Variants in CWH43 observed in about 807,000 individuals in gnomAD.
The protein encoded by CWH43 is cell wall biogenesis 43 C-terminal homolog, also known as PGAP2-interacting protein.
In CWH43, 91 loss-of-function variants were observed where a neutral mutation model predicts 85.7. The observed-to-expected ratio is 1.06, with a 90% CI of 0.90 to 1.26. The LOEUF is 1.26. Among genes scored for constraint, CWH43 ranks in the 50% most tolerant of loss-of-function variants. The pLI is 0.00. For missense variants in CWH43, 869 were observed against 839.2 expected, an observed-to-expected ratio of 1.04 and a Z score of -0.44; for synonymous variants, 323 against 293.6, an observed-to-expected ratio of 1.10 and a Z score of -1.02.
At chr4:49,020,393 A>T (rs147213257) in intron 9 of CWH43, among the ~76,000 whole-genome samples, 1 of 87,776 alleles carries the variant, frequency 1.1e-5, no homozygotes, top group East Asian at 2.3e-4. Flanking sequence ...TTACACACAC[A>T]CACACACACA....
In CWH43 at chr4:48,996,298, T is replaced by TACACAC. The variant is rs36210509; in HGVS notation, c.713+1506_713+1511dup. Among the ~76,000 whole-genome samples, 706 of 149,994 alleles carry TACACAC rather than the reference T, an allele frequency of 4.7e-3. 3 individuals carry two copies. The highest frequency in any genetic ancestry group is 0.016 in the African/African-American group (657 of 40,514). On this transcript the variant is annotated intron_variant, in intron 5 of 15. Transcript: ENST00000226432. ...TTTTTATATATGTGTTATATATGTG[T>TACACAC]ACACACACACACACACACACACACA...
chr4:49,037,791 T>C lies in CWH43; in HGVS notation c.1659-245T>C, dbSNP rs78173063. Among the ~76,000 whole-genome samples, 51 of 152,292 alleles carry C rather than the reference T, an allele frequency of 3.3e-4. No individual in the cohort carries two copies. The East Asian group carries it at 9.4e-3, about 28-fold the overall frequency. ...GCTGTATTTAGAGTAGATCTTTAAA[T>C]TGACTTGACTCCAAATGACTTGTGA... On this transcript the variant is annotated intron_variant, in intron 12 of 15. Coordinates refer to ENST00000226432, the MANE Select transcript of CWH43 (RefSeq NM_025087.3).
At chr4:48,990,006 G>A (rs993736047) in intron 2 of CWH43, among the ~76,000 whole-genome samples, 8 of 152,128 alleles carry the variant, frequency 5.3e-5, no homozygotes, top group African/African-American at 1.4e-4. Flanking sequence ...GATTTTATGG[G>A]AGTGATCTCA....
chr4:48,991,425 A>G (rs1166367459), intron 2 of CWH43, 29 bp from the exon 3 acceptor site: 1 of 1,612,720 alleles, frequency 6.2e-7, no homozygotes, highest in East Asian at 2.2e-5. Flanking sequence ...CTTGCCAGAA[A>G]TGCTTAGCTC....
At chr4:49,060,649 CCTT>C (rs1785125035) in intron 15 of CWH43, among the ~76,000 whole-genome samples, 1 of 152,122 alleles carries the variant, frequency 6.6e-6, no homozygotes, top group Non-Finnish European at 1.5e-5. Flanking sequence ...GTGAAGTTGT[CCTT>C]CTTACCCTTC....
chr4:49,037,968 A>T (rs779262315), intron 12 of CWH43, 68 bp from the exon 13 acceptor site: 31 of 1,414,272 alleles, frequency 2.2e-5, no homozygotes, highest in Non-Finnish European at 3.0e-5. Flanking sequence ...TTGGCAACTT[A>T]GGTACCTAAG....
At position 49,028,610 on chromosome 4, in the gene CWH43, C is replaced by T. The variant is rs752590568; in HGVS notation, c.1267-19C>T. 2 of 1,582,292 alleles carry T rather than the reference C, an allele frequency of 1.3e-6. No individual in the cohort carries two copies. Among genetic ancestry groups the T allele is most frequent in the Non-Finnish European group, 1.7e-6 (2 of 1,153,760 alleles). On this transcript the variant is annotated intron_variant, in intron 9 of 15. Transcript: ENST00000226432. ...ATTGTTCACAGTCATCCTAAACTAC[C>T]ATTAAAACAATTCCTCAGGCACCAA...
Position 49,030,958 on chromosome 4 carries a change from G to C in CWH43, c.1506G>C (p.Trp502Cys), listed in dbSNP as rs367624415. Residue 502 changes from tryptophan (W) to cysteine (C), a missense_variant and splice_region_variant, in exon 11 of 16, where the codon TGG becomes TGC. Trp to Cys is a radical substitution (Grantham distance 215). This residue lies in a region of CWH43 where 577 missense variants were observed against 513.1 expected (regional missense o/e 1.12). Transcript: ENST00000226432. ...GTCCAAGCACAAGGTATCACACTTG[G>C]GGGTGAGTATACCTTGGGAGTTAAT... is the stretch of plus-strand genomic sequence containing the variant. ...DFGPSTRYHTWGIMALSRYPI... is the reference protein window; with the variant it reads ...DFGPSTRYHTCGIMALSRYPI... 3.8e-6 allele frequency: 6 copies of C among 1,587,040 alleles called. No homozygotes were observed. The highest frequency in any genetic ancestry group is 1.4e-5 in the African/African-American group (1 of 73,212).
chr4:49,016,678 G>A, intron 8 of CWH43: 1 of 764,190 alleles, frequency 1.3e-6, no homozygotes, highest in East Asian at 2.5e-5. Context: ...TGGGCTTCTG[G>A]GCTGCTTAGT....
At position 49,038,146 on chromosome 4, in the gene CWH43, A is replaced by G; in HGVS notation, c.1769A>G (p.Asp590Gly). The G allele has an allele frequency of 6.2e-7, 1 of 1,610,476 alleles. No homozygotes were observed. The highest frequency in any genetic ancestry group is 8.5e-7 in the Non-Finnish European group (1 of 1,178,224). The part of the protein sequence containing the change: ...GYITSAPGSR[D>G]YLQLTEHGNV... ...ATCACTTCAGCACCTGGCTCCAGAG[A>G]TTATCTACAGCTCACTGAACATGGC... Residue 590 changes from aspartate to glycine, a missense_variant, in exon 13 of 16, where the codon GAT (aspartate) becomes GGT (glycine). By Grantham distance (94) the Asp-to-Gly change is moderately conservative (BLOSUM62 -1). Around this residue, in one of 3 missense-constraint regions of CWH43, gnomAD observed 577 missense variants for 513.1 expected, o/e 1.12. Coordinates refer to ENST00000226432, the MANE Select transcript of CWH43 (RefSeq NM_025087.3).
Position 48,994,733 on chromosome 4 carries a change from C to A in CWH43, c.626C>A (p.Thr209Asn), listed in dbSNP as rs763498154. ...GAAFGSLVFLTHWVFGEVSLV... is the reference protein window; with the variant it reads ...GAAFGSLVFLNHWVFGEVSLV... The stretch of plus-strand genomic sequence containing the variant: ...GCTTTTGGTAGCCTTGTGTTCCTCA[C>A]CCACTGGGTTTTTGGAGAAGTCTCT... Residue 209 changes from threonine (T) to asparagine (N), a missense_variant, in exon 5 of 16, where the codon ACC becomes AAC. Thr to Asn is a moderately conservative substitution (Grantham distance 65, BLOSUM62 0). Around this residue, in one of 3 missense-constraint regions of CWH43, gnomAD observed 152 missense variants for 203.6 expected, o/e 0.75. Coordinates refer to ENST00000226432, the MANE Select transcript of CWH43 (RefSeq NM_025087.3). The A allele has an allele frequency of 1.9e-6, 3 of 1,614,072 alleles. No homozygotes were observed. The East Asian group carries it at 6.7e-5, about 36-fold the overall frequency.
chr4:48,988,331 G>GCA, intron 1 of CWH43, 146 bp from the exon 2 acceptor site: 1 of 459,474 alleles, frequency 2.2e-6, no homozygotes, highest in South Asian at 5.9e-5. Flanking sequence ...TTTGTTCCAT[G>GCA]TCAGTGGAGA....
In CWH43 at chr4:48,992,521, G is replaced by GT. The variant is rs200694680; in HGVS notation, c.511+439dup. On this transcript the variant is annotated intron_variant, in intron 4 of 15. Coordinates refer to ENST00000226432, the MANE Select transcript of CWH43 (RefSeq NM_025087.3). The surrounding 1 kb of genome is among the most constrained non-coding windows in gnomAD (Gnocchi z 4.3). ...TATGGCTGTCACTGGAACTCCCTGGGTTTTTTTTCCCAGAGGTCTGAAGCT... is the reference window on the plus strand; with the variant it reads ...TATGGCTGTCACTGGAACTCCCTGGGTTTTTTTTTCCCAGAGGTCTGAAGCT... Among the ~76,000 whole-genome samples the GT allele has an allele frequency of 1.3e-5, 2 of 151,912 alleles. No homozygotes were observed. The highest frequency in any genetic ancestry group is 2.9e-5 in the Non-Finnish European group (2 of 67,966).
At chr4:49,055,455 G>A (rs529232237) in intron 15 of CWH43, among the ~76,000 whole-genome samples, 43 of 152,048 alleles carry the variant, frequency 2.8e-4, no homozygotes, top group Non-Finnish European at 5.4e-4. Flanking sequence ...AGGGATATTG[G>A]CTTATCATTT....
At chr4:49,052,061 A>T (rs764654369) in intron 15 of CWH43, among the ~76,000 whole-genome samples, 2 of 152,086 alleles carry the variant, frequency 1.3e-5, no homozygotes, top group Admixed American at 1.3e-4. Context: ...AACATTTCTC[A>T]TTTTTTTGGG....
At chr4:48,991,338 T>A (rs1375388089) in intron 2 of CWH43, 116 bp from the exon 3 acceptor site, 1 of 1,030,580 alleles carries the variant, frequency 9.7e-7, no homozygotes, top group Non-Finnish European at 1.4e-6. Context: ...AAATTATACA[T>A]CAACTCTGTC....
At chr4:49,038,662 A>C (rs1267152523) in intron 13 of CWH43, among the ~76,000 whole-genome samples, 4 of 152,164 alleles carry the variant, frequency 2.6e-5, no homozygotes, top group Non-Finnish European at 5.9e-5. Flanking sequence ...ATCACATTAA[A>C]TTCTTGATGG....
At chr4:49,042,023 T>A (rs1323164360) in intron 13 of CWH43, among the ~76,000 whole-genome samples, 1 of 152,226 alleles carries the variant, frequency 6.6e-6, no homozygotes, top group Non-Finnish European at 1.5e-5. Flanking sequence ...TGAGTTAGTC[T>A]CTGCATTTTT....
chr4:48,986,597 G>A lies in CWH43; in HGVS notation c.43+125G>A. The A allele has an allele frequency of 6.0e-6, 9 of 1,498,550 alleles. No homozygotes were observed. In the South Asian group the frequency reaches 1.2e-4, roughly 19 times the overall value. 92.8% of individuals were successfully genotyped at this position (1,498,550 alleles called of 1,614,324 possible). ...GAAAAGGGCGCTCCGTGCCCAGAGT[G>A]GAGATGCTTATCGTCCCCTGGGAAC... On this transcript the variant is annotated intron_variant, in intron 1 of 15. Transcript: ENST00000226432.
Sources: gnomAD v4.1 joint callset for allele counts (sites outside exome capture counted in the v4.1 genomes callset) on GRCh38, gnomAD v4.1.1 for gene constraint, gnomAD v4.1.1 regional missense constraint, Gnocchi (gnomAD v3.1) non-coding constraint, MANE v1.5 for transcripts, NCBI Gene and HGNC (gene_info 2026-07-23, HGNC 2026-07-21) for gene names.